The following SORCS1 variants were observed in gnomAD, a reference collection of about 807,000 sequenced individuals.
SORCS1 encodes the protein VPS10 domain-containing receptor SorCS1.
In SORCS1, 60 loss-of-function variants were observed where a neutral mutation model predicts 146.1. The ratio of observed to expected loss-of-function variants is 0.41; its 90% CI spans 0.33 to 0.51. The LOEUF (loss-of-function observed/expected upper bound fraction) is 0.51, where lower values mean the gene tolerates loss of function less well. Among genes scored for constraint, SORCS1 ranks in the 20% least tolerant of loss-of-function variants. The pLI is 0.21. For synonymous variants in SORCS1, 637 were observed against 584.0 expected, an observed-to-expected ratio of 1.09 and a Z score of -1.31; for missense variants, 1,352 against 1,487.6, an observed-to-expected ratio of 0.91 and a Z score of 1.50.
At chr10:106,899,257 T>C (rs75227742) in intron 2 of SORCS1, among the ~76,000 whole-genome samples, 2,012 of 152,306 alleles carry the variant, frequency 0.013, 44 homozygotes, top group African/African-American at 0.046. Context: ...CACTAAGCCC[T>C]GGGGATTTAA....
chr10:106,798,187 T>G (rs12258738), intron 3 of SORCS1, among the ~76,000 whole-genome samples: 5,643 of 152,258 alleles, frequency 0.037, 149 homozygotes, highest in African/African-American at 0.072. Flanking sequence ...CTTGTCTGCA[T>G]CCATGGGAGA....
chr10:107,032,044 G>GCAAAA (rs1418145440), intron 1 of SORCS1, among the ~76,000 whole-genome samples: 2 of 152,074 alleles, frequency 1.3e-5, no homozygotes, highest in African/African-American at 4.8e-5. Context: ...AGGACTCAGT[G>GCAAAA]GTAGCATTTG....
chr10:107,042,597 C>A (rs912345004), intron 1 of SORCS1, among the ~76,000 whole-genome samples: 2 of 142,888 alleles, frequency 1.4e-5, no homozygotes, highest in African/African-American at 5.6e-5. Context: ...ATTTTACCAG[C>A]GGGGAAGTGA....
intron 2 of SORCS1, among the ~76,000 whole-genome samples, chr10:106,915,897 C>A (rs1319402317): frequency 6.6e-6 from 1 of 152,114 alleles, no homozygotes; most frequent in Admixed American, 6.5e-5. Flanking sequence ...AATTCTCCTC[C>A]AGGAGGAGCA....
intron 17 of SORCS1, among the ~76,000 whole-genome samples, chr10:106,658,664 C>T (rs1850488113): frequency 6.6e-6 from 1 of 152,192 alleles, no homozygotes; most frequent in Non-Finnish European, 1.5e-5. Flanking sequence ...TAAAATCTTC[C>T]AAATCCACCA....
intron 1 of SORCS1, among the ~76,000 whole-genome samples, chr10:107,084,094 T>G (rs1211090873): frequency 9.8e-4 from 68 of 69,654 alleles, no homozygotes; most frequent in Non-Finnish European, 1.9e-3. Context: ...TGTTTTTTGT[T>G]TTTTTTTTTT....
At chr10:106,709,871 T>A (rs1028369467) in intron 6 of SORCS1, among the ~76,000 whole-genome samples, 1 of 152,214 alleles carries the variant, frequency 6.6e-6, no homozygotes, top group Non-Finnish European at 1.5e-5. Context: ...ACCTACATCA[T>A]CTCCTGGTGC....
chr10:107,129,065 A>G (rs1483827445), intron 1 of SORCS1, among the ~76,000 whole-genome samples: 1 of 152,238 alleles, frequency 6.6e-6, no homozygotes, highest in African/African-American at 2.4e-5. Flanking sequence ...AGGCAATAAC[A>G]AAAGTTTCCG....
At chr10:107,150,616 T>C (rs946113864) in intron 1 of SORCS1, among the ~76,000 whole-genome samples, 1 of 152,262 alleles carries the variant, frequency 6.6e-6, no homozygotes, top group Non-Finnish European at 1.5e-5. Flanking sequence ...TGATATGGTT[T>C]GGCTGTGTCT....
intron 2 of SORCS1, among the ~76,000 whole-genome samples, chr10:106,870,547 A>G (rs1016850322): frequency 6.6e-6 from 1 of 152,192 alleles, no homozygotes; most frequent in Non-Finnish European, 1.5e-5. Flanking sequence ...ACCTATGACC[A>G]TCTGATCTTC....
At chr10:106,856,011 G>A (rs1439315490) in intron 2 of SORCS1, among the ~76,000 whole-genome samples, 3 of 148,600 alleles carry the variant, frequency 2.0e-5, no homozygotes, top group Admixed American at 6.8e-5. Flanking sequence ...ACGGGGAAGC[G>A]AAGAGGGAGA....
Position 106,576,803 on chromosome 10 carries a change from G to A in SORCS1, c.*617C>T, listed in dbSNP as rs1300876532. 1.2e-5 allele frequency: 2 copies of A among 161,930 alleles called. No homozygotes were observed. The highest frequency in any genetic ancestry group is 2.7e-5 in the Non-Finnish European group (2 of 74,218). The allele number at this position is 161,930 out of a possible 1,614,324, so 10.0% of individuals were successfully genotyped here. On this transcript the variant is annotated 3_prime_UTR_variant, in exon 26 of 26. Transcript: ENST00000263054. Reference sequence around the variant, plus strand: ...CTCAGGGTTTCAAACTCCTGTGCACGTCTTTGTGTCTTATGAAAGGAGCTG... The same window carrying A: ...CTCAGGGTTTCAAACTCCTGTGCACATCTTTGTGTCTTATGAAAGGAGCTG...
chr10:106,906,957 T>A (rs1255563666), intron 2 of SORCS1, among the ~76,000 whole-genome samples: 1 of 152,158 alleles, frequency 6.6e-6, no homozygotes. Flanking sequence ...ATAAAGGTAT[T>A]ATAGACCTAA....
At chr10:106,931,379 C>T (rs1250141319) in intron 2 of SORCS1, among the ~76,000 whole-genome samples, 1 of 152,140 alleles carries the variant, frequency 6.6e-6, no homozygotes, top group African/African-American at 2.4e-5. Context: ...AAAGTCAACA[C>T]AATGGAGCTA....
intron 1 of SORCS1, among the ~76,000 whole-genome samples, chr10:107,120,143 T>C (rs568385860): frequency 4.0e-4 from 61 of 152,332 alleles, no homozygotes; most frequent in Admixed American, 7.8e-4. Context: ...TGGTTTTACC[T>C]TTGCAAGTGA....
chr10:106,893,138 G>A (rs970243832), intron 2 of SORCS1, among the ~76,000 whole-genome samples: 6 of 151,740 alleles, frequency 4.0e-5, no homozygotes, highest in African/African-American at 1.2e-4. Flanking sequence ...CCTGACCTCA[G>A]GTGATCCACC....
At position 106,648,366 on chromosome 10, in the gene SORCS1, A is replaced by ATC. The variant is rs1402378556; in HGVS notation, c.2475+4015_2475+4016insGA. ...TTGGATACGTTGGAGTCTAATATAT[A>ATC]TTAGTATTTTTATCTCTTTATAGAT... On this transcript the variant is annotated intron_variant, in intron 18 of 25. Coordinates refer to ENST00000263054, the MANE Select transcript of SORCS1 (RefSeq NM_052918.5). Among the ~76,000 whole-genome samples, 3 of 152,172 alleles carry ATC rather than the reference A, an allele frequency of 2.0e-5. No homozygotes were observed. In the East Asian group the frequency reaches 5.8e-4, roughly 29 times the overall value.
chr10:107,011,507 A>G (rs891566432), intron 1 of SORCS1, among the ~76,000 whole-genome samples: 6 of 152,180 alleles, frequency 3.9e-5, no homozygotes, highest in Admixed American at 3.3e-4. Flanking sequence ...AAGCTACCCA[A>G]TGATCACTCC....
At chr10:106,916,569 T>TAC (rs1454417022) in intron 2 of SORCS1, among the ~76,000 whole-genome samples, 4 of 125,366 alleles carry the variant, frequency 3.2e-5, no homozygotes, top group African/African-American at 1.3e-4. Context: ...ATTGTGTGCA[T>TAC]ATATATACAC....
Sources: gnomAD v4.1 joint callset for allele counts (sites outside exome capture counted in the v4.1 genomes callset) on GRCh38, gnomAD v4.1.1 for gene constraint, MANE v1.5 for transcripts, NCBI Gene and HGNC (gene_info 2026-07-23, HGNC 2026-07-21) for gene names.